HDAC4: variants seen among roughly 807,000 people sequenced by gnomAD.
The protein encoded by HDAC4 is histone deacetylase A.
HDAC4 carries 16 observed loss-of-function variants against 135.1 expected under a neutral mutation model. The observed-to-expected ratio is 0.12, with a 90% CI of 0.08 to 0.18. The LOEUF is 0.18. Among genes scored for constraint, HDAC4 ranks in the 10% least tolerant of loss-of-function variants. HDAC4 has a pLI of 1.00. For synonymous variants in HDAC4, 685 were observed against 653.4 expected (o/e 1.05, Z -0.74); for missense variants, 1,143 against 1,511.8 (o/e 0.76, Z 4.05).
At chr2:239,084,414 A>G (rs2035661494) in intron 19 of HDAC4, among the ~76,000 whole-genome samples, 172 bp from the exon 20 acceptor site, 1 of 151,954 alleles carries the variant, frequency 6.6e-6, no homozygotes, top group Non-Finnish European at 1.5e-5. Context: ...ATCGGTTAAC[A>G]GACAGACACG....
chr2:239,241,355 T>C (rs1045264998), intron 2 of HDAC4, among the ~76,000 whole-genome samples: 3 of 152,246 alleles, frequency 2.0e-5, no homozygotes, highest in Non-Finnish European at 2.9e-5. Context: ...AGGGTGTCTC[T>C]TGAAGGTTTC....
chr2:239,378,694 G>C (rs1468948181), intron 1 of HDAC4, among the ~76,000 whole-genome samples: 1 of 151,846 alleles, frequency 6.6e-6, no homozygotes, highest in South Asian at 2.1e-4. Context: ...CAATGAACCC[G>C]GGAACCAATA....
intron 15 of HDAC4, 140 bp downstream of exon 15, chr2:239,107,910 G>A: frequency 9.6e-7 from 1 of 1,046,630 alleles, no homozygotes; most frequent in Non-Finnish European, 1.4e-6. Context: ...AGACAGTGAA[G>A]ATGCTTGTGG....
chr2:239,184,182 C>G (rs1033245911), intron 4 of HDAC4, among the ~76,000 whole-genome samples: 1 of 151,800 alleles, frequency 6.6e-6, no homozygotes, highest in Non-Finnish European at 1.5e-5. Context: ...AGAAAAGGCA[C>G]GCCTTACACC....
Position 239,308,918 on chromosome 2 carries a change from G to A in HDAC4, c.22+43760C>T, listed in dbSNP as rs1440730741. Among the ~76,000 whole-genome samples the A allele has an allele frequency of 6.6e-6, 1 of 152,168 alleles. No homozygotes were observed. Among genetic ancestry groups the A allele is most frequent in the East Asian group, 1.9e-4 (1 of 5,198 alleles). On this transcript the variant is annotated intron_variant, in intron 2 of 26. Transcript: ENST00000543185. The surrounding 1 kb of genome is among the most constrained non-coding windows in gnomAD (Gnocchi z 4.2). ...GGAAGCACGCTGCAGGCCCCTGGAGGTGCCACAGTGCTCCCAGCTCCCCCA... is the reference window on the plus strand; with the variant it reads ...GGAAGCACGCTGCAGGCCCCTGGAGATGCCACAGTGCTCCCAGCTCCCCCA...
chr2:239,103,181 T>TGACTTG (rs1459406605), intron 15 of HDAC4, among the ~76,000 whole-genome samples: 2 of 152,218 alleles, frequency 1.3e-5, no homozygotes, highest in African/African-American at 4.8e-5. Context: ...GTCGCACGAA[T>TGACTTG]GACTTGGCAT....
At chr2:239,223,929 G>A (rs2047103288) in intron 3 of HDAC4, among the ~76,000 whole-genome samples, 1 of 151,640 alleles carries the variant, frequency 6.6e-6, no homozygotes, top group Non-Finnish European at 1.5e-5. Flanking sequence ...CTGCCCGGGA[G>A]AGTTCATGTC....
chr2:239,348,062 C>T (rs1458325591), intron 2 of HDAC4, among the ~76,000 whole-genome samples: 3 of 142,150 alleles, frequency 2.1e-5, no homozygotes, highest in Non-Finnish European at 4.5e-5. Context: ...AGCATCATCC[C>T]GGTGACCACA....
At chr2:239,194,894 CT>C (rs1397593628) in intron 3 of HDAC4, among the ~76,000 whole-genome samples, 1 of 152,360 alleles carries the variant, frequency 6.6e-6, no homozygotes, top group East Asian at 1.9e-4. Flanking sequence ...TGATCCGCCC[CT>C]GGCAGTGCTG....
At chr2:239,226,961 G>A (rs1023306742) in intron 3 of HDAC4, among the ~76,000 whole-genome samples, 9 of 152,240 alleles carry the variant, frequency 5.9e-5, no homozygotes, top group Admixed American at 4.6e-4. Context: ...CTGAAACAGT[G>A]TGTGGATTGT....
intron 2 of HDAC4, among the ~76,000 whole-genome samples, chr2:239,281,420 A>G (rs2050739593): frequency 6.8e-6 from 1 of 147,436 alleles, no homozygotes; most frequent in African/African-American, 2.5e-5. Context: ...CACTCTACAC[A>G]CAATGTATAC....
chr2:239,342,227 A>T (rs1692341116), intron 2 of HDAC4, among the ~76,000 whole-genome samples: 1 of 145,670 alleles, frequency 6.9e-6, no homozygotes, highest in Admixed American at 6.9e-5. Context: ...ATTTAAAATT[A>T]AAAAAAAAAA....
At chr2:239,172,293 A>AAAAT (rs1278028621) in intron 5 of HDAC4, among the ~76,000 whole-genome samples, 6 of 115,054 alleles carry the variant, frequency 5.2e-5, no homozygotes, top group Non-Finnish European at 1.1e-4. Flanking sequence ...GGTGAAAAAA[A>AAAAT]ATATATATAT....
At chr2:239,113,524 C>T (rs556269626) in intron 13 of HDAC4, among the ~76,000 whole-genome samples, 1 of 152,232 alleles carries the variant, frequency 6.6e-6, no homozygotes, top group Non-Finnish European at 1.5e-5. Flanking sequence ...ATAAGGGGTT[C>T]TGCCTATTAC....
At chr2:239,105,630 C>A (rs888779945) in intron 15 of HDAC4, among the ~76,000 whole-genome samples, 1 of 152,156 alleles carries the variant, frequency 6.6e-6, no homozygotes. Context: ...AGGGCCTCAC[C>A]CCCCAGGCCT....
intron 1 of HDAC4, among the ~76,000 whole-genome samples, chr2:239,355,040 C>T (rs968903597): frequency 2.0e-5 from 3 of 151,990 alleles, no homozygotes; most frequent in Non-Finnish European, 1.5e-5. Context: ...CTTTGGGGGC[C>T]GAGTCTTGAT....
chr2:239,144,249 C>T (rs1435743306), intron 8 of HDAC4, among the ~76,000 whole-genome samples: 1 of 152,178 alleles, frequency 6.6e-6, no homozygotes. Context: ...TAGGGTGGGA[C>T]TGGTTAAGAC....
intron 1 of HDAC4, among the ~76,000 whole-genome samples, chr2:239,381,326 T>C (rs1695402014): frequency 6.6e-6 from 1 of 152,222 alleles, no homozygotes; most frequent in South Asian, 2.1e-4. Flanking sequence ...TGCCTCTTTG[T>C]TATCTCGAAC....
intron 15 of HDAC4, among the ~76,000 whole-genome samples, chr2:239,105,634 C>A (rs925629092): frequency 2.0e-5 from 3 of 152,210 alleles, no homozygotes; most frequent in Non-Finnish European, 4.4e-5. Context: ...CCTCACCCCC[C>A]AGGCCTCCAG....
Sources: gnomAD v4.1 joint callset for allele counts (sites outside exome capture counted in the v4.1 genomes callset) on GRCh38, gnomAD v4.1.1 for gene constraint, Gnocchi (gnomAD v3.1) non-coding constraint, MANE v1.5 for transcripts, NCBI Gene and HGNC (gene_info 2026-07-23, HGNC 2026-07-21) for gene names.